The following CHD6 variants were observed in gnomAD, a reference collection of about 807,000 sequenced individuals.
CHD6 encodes the protein ATP-dependent chromatin remodeler CHD6.
CHD6 carries 50 observed loss-of-function variants against 276.9 expected under a neutral mutation model. The ratio of observed to expected loss-of-function variants is 0.18; its 90% CI spans 0.14 to 0.23. CHD6 has a LOEUF of 0.23. Ranked by LOEUF, CHD6 falls within the 10% of genes least tolerant of loss-of-function variation. The probability of loss-of-function intolerance (pLI) is 1.00; values close to 1 mark genes in which losing one functional copy is unlikely to be tolerated. For synonymous variants in CHD6, 1,173 were observed against 1,229.3 expected (o/e 0.95, Z 0.96); for missense variants, 2,564 against 3,365.8 (o/e 0.76, Z 5.89).
At chr20:41,458,542 C>A (rs1359376067) in intron 17 of CHD6, among the ~76,000 whole-genome samples, 1 of 152,038 alleles carries the variant, frequency 6.6e-6, no homozygotes, top group East Asian at 1.9e-4. Context: ...CTGAAGGTAT[C>A]AGTATGAACT....
intron 1 of CHD6, among the ~76,000 whole-genome samples, chr20:41,605,338 CTCCCT>C (rs2045817001): frequency 6.6e-6 from 1 of 152,192 alleles, no homozygotes. Flanking sequence ...CAGGTTCCAA[CTCCCT>C]TCCATTAGAA....
Position 41,421,877 on chromosome 20 carries a change from G to A in CHD6, c.4758C>T (p.Ile1586=), listed in dbSNP as rs2047205935. The change falls in exon 31 of 37, where the codon ATC becomes ATT. Residue 1586 remains isoleucine, a synonymous_variant. Coordinates refer to ENST00000373233, the MANE Select transcript of CHD6 (RefSeq NM_032221.5). ...ECGKHDRDLL[I]GTAKHGLNRT... is the part of the protein sequence containing the mutation. ...GGTTCAGCCCATGTTTGGCAGTGCC[G>A]ATGAGCAGGTCTCGATCATGCTTCC... is the stretch of plus-strand genomic sequence containing the variant. The A allele has an allele frequency of 9.3e-6, 15 of 1,614,036 alleles. No homozygotes were observed. The highest frequency in any genetic ancestry group is 4.4e-5 in the South Asian group (4 of 91,076).
intron 1 of CHD6, among the ~76,000 whole-genome samples, chr20:41,592,397 A>G (rs1332934457): frequency 6.6e-6 from 1 of 152,244 alleles, no homozygotes; most frequent in Non-Finnish European, 1.5e-5. Flanking sequence ...CTGGAGTAAT[A>G]GGTAATGTTT....
At chr20:41,512,398 G>C (rs1019167274) in intron 5 of CHD6, among the ~76,000 whole-genome samples, 1 of 151,922 alleles carries the variant, frequency 6.6e-6, no homozygotes, top group Non-Finnish European at 1.5e-5. Context: ...TTGGGATGAG[G>C]GGCAGGAATC....
At position 41,562,112 on chromosome 20, in the gene CHD6, C is replaced by CA. The variant is rs562836363; in HGVS notation, c.-23-10753dup. 1.5e-3 allele frequency among the ~76,000 whole-genome samples: 220 copies of CA among 147,912 alleles called. 4 individuals are homozygous for CA. Among genetic ancestry groups the CA allele is most frequent in the African/African-American group, 3.7e-3 (148 of 40,440 alleles). The stretch of plus-strand genomic sequence containing the variant: ...ATTTTCTGTCTCATTTACAACAAAA[C>CA]AAAAAAAAAACTCTTCATGTTCTAC... On this transcript the variant is annotated intron_variant, in intron 1 of 36. Transcript: ENST00000373233.
At chr20:41,579,303 T>C (rs545296204) in intron 1 of CHD6, among the ~76,000 whole-genome samples, 1 of 151,244 alleles carries the variant, frequency 6.6e-6, no homozygotes, top group Middle Eastern at 3.4e-3. Flanking sequence ...CTGGGCGTGG[T>C]GGCTCACGCC....
chr20:41,457,752 C>T (rs1270811899), intron 17 of CHD6, among the ~76,000 whole-genome samples: 1 of 152,184 alleles, frequency 6.6e-6, no homozygotes, highest in Admixed American at 6.5e-5. Context: ...GGATGCTGTC[C>T]TGTCCTCTTG....
intron 1 of CHD6, among the ~76,000 whole-genome samples, chr20:41,598,467 C>T (rs978687328): frequency 3.9e-5 from 6 of 152,186 alleles, no homozygotes; most frequent in Admixed American, 2.0e-4. Flanking sequence ...CGACTGTTAA[C>T]GCTTGTGCAA....
At chr20:41,414,597 G>A (rs973219197) in intron 34 of CHD6, 5 of 188,350 alleles carry the variant, frequency 2.7e-5, no homozygotes, top group East Asian at 8.7e-5. Flanking sequence ...CCAGGTATAC[G>A]GTTTCTGACC....
chr20:41,468,873 G>C lies in CHD6; in HGVS notation c.2664+4449C>G, dbSNP rs925355576. On this transcript the variant is annotated intron_variant, in intron 17 of 36. Coordinates refer to ENST00000373233, the MANE Select transcript of CHD6 (RefSeq NM_032221.5). ...CTACAAAAATTACAAAAATTAGCCA[G>C]GCATGGGGCTCATGACTATAACTCC... 2.0e-4 allele frequency among the ~76,000 whole-genome samples: 30 copies of C among 152,216 alleles called. 1 individual carries two copies. Among genetic ancestry groups the C allele is most frequent in the African/African-American group, 7.2e-4 (30 of 41,534 alleles).
intron 31 of CHD6, among the ~76,000 whole-genome samples, chr20:41,420,109 GA>G: frequency 6.6e-6 from 1 of 152,284 alleles, no homozygotes; most frequent in Non-Finnish European, 1.5e-5. Context: ...TTCAGTTCCT[GA>G]AAAATTAACT....
At chr20:41,455,534 C>T (rs1458282947) in intron 19 of CHD6, among the ~76,000 whole-genome samples, 1 of 152,146 alleles carries the variant, frequency 6.6e-6, no homozygotes, top group Non-Finnish European at 1.5e-5. Context: ...CAAACAGAGC[C>T]AACTGAGAAT....
At chr20:41,479,659 CAGG>C (rs1220106184) in intron 16 of CHD6, among the ~76,000 whole-genome samples, 2 of 152,040 alleles carry the variant, frequency 1.3e-5, no homozygotes, top group Non-Finnish European at 2.9e-5. Context: ...CTTAGAAAGA[CAGG>C]AGAAGACACT....
intron 1 of CHD6, among the ~76,000 whole-genome samples, chr20:41,604,583 A>G (rs1283887965): frequency 6.6e-6 from 1 of 152,166 alleles, no homozygotes; most frequent in Non-Finnish European, 1.5e-5. Flanking sequence ...GGTGACTCAA[A>G]TGGCCTTAAT....
At chr20:41,552,062 T>G (rs186780994) in intron 1 of CHD6, among the ~76,000 whole-genome samples, 114 of 152,270 alleles carry the variant, frequency 7.5e-4, no homozygotes, top group Admixed American at 1.8e-3. Context: ...GGTACAAAAG[T>G]GTGTCGGGGC....
chr20:41,538,184 C>G (rs374661206), intron 2 of CHD6, among the ~76,000 whole-genome samples: 1 of 152,072 alleles, frequency 6.6e-6, no homozygotes, highest in Admixed American at 6.6e-5. Context: ...AACTCCCTAT[C>G]TACTAAGAAC....
chr20:41,595,331 T>G (rs1159070110), intron 1 of CHD6, among the ~76,000 whole-genome samples: 2 of 152,150 alleles, frequency 1.3e-5, no homozygotes, highest in Non-Finnish European at 2.9e-5. Context: ...GAAGCAAGTG[T>G]GGAGTCCAGA....
chr20:41,531,262 C>T (rs552592996), intron 3 of CHD6, among the ~76,000 whole-genome samples: 47 of 152,236 alleles, frequency 3.1e-4, no homozygotes, highest in African/African-American at 1.1e-3. Flanking sequence ...CAAACCAAGA[C>T]TTCTTATTAG....
At chr20:41,555,648 C>T (rs2045221432) in intron 1 of CHD6, among the ~76,000 whole-genome samples, 2 of 151,624 alleles carry the variant, frequency 1.3e-5, no homozygotes, top group African/African-American at 4.8e-5. Flanking sequence ...CCTCACATCC[C>T]AGACGGGGCG....
Sources: gnomAD v4.1 joint callset for allele counts (sites outside exome capture counted in the v4.1 genomes callset) on GRCh38, gnomAD v4.1.1 for gene constraint, MANE v1.5 for transcripts, NCBI Gene and HGNC (gene_info 2026-07-23, HGNC 2026-07-21) for gene names.